The following NPLOC4 variants were observed in gnomAD, a reference collection of about 807,000 sequenced individuals.
The protein encoded by NPLOC4 is nuclear protein localization protein 4 homolog.
A neutral mutation model predicts 80.6 loss-of-function variants in NPLOC4; 18 were observed. The ratio of observed to expected loss-of-function variants is 0.22; its 90% CI spans 0.15 to 0.33. The LOEUF is 0.33. NPLOC4 is among the 10% of genes least tolerant of loss of function. The pLI is 1.00. For synonymous variants in NPLOC4, 313 were observed against 301.5 expected (o/e 1.04, Z -0.39); for missense variants, 540 against 786.1 (o/e 0.69, Z 3.74).
rs919880771 is a variant in NPLOC4 at position 81,557,038 on chromosome 17, G to A, written c.*2221C>T. The A allele has an allele frequency of 1.3e-5, 2 of 152,412 alleles. No homozygotes were observed. The highest frequency in any genetic ancestry group is 2.9e-5 in the Non-Finnish European group (2 of 68,144). The allele number at this position is 152,412 out of a possible 1,614,324, so 9.4% of individuals were successfully genotyped here. ...AGCTGGTTGGAGGGAGCCAGGGCCA[G>A]GCCCCACCTCCTCTCGGGACCAGGA... On this transcript the variant is annotated 3_prime_UTR_variant, in exon 17 of 17. Transcript: ENST00000331134.
intron 11 of NPLOC4, among the ~76,000 whole-genome samples, chr17:81,590,799 T>C (rs1244981413): frequency 6.6e-6 from 1 of 151,834 alleles, no homozygotes; most frequent in Admixed American, 6.6e-5. Context: ...GGCCACACAA[T>C]CAAAAAAGGT....
At chr17:81,632,224 C>G (rs1285120364) in intron 1 of NPLOC4, among the ~76,000 whole-genome samples, 1 of 152,176 alleles carries the variant, frequency 6.6e-6, no homozygotes, top group Non-Finnish European at 1.5e-5. Context: ...ATCCACCTGC[C>G]TCAGCCTCCT....
intron 1 of NPLOC4, 120 bp downstream of exon 1, chr17:81,636,796 C>T: frequency 9.1e-7 from 1 of 1,098,192 alleles, no homozygotes; most frequent in Non-Finnish European, 1.2e-6. Flanking sequence ...AAAGCCCTGG[C>T]GAGAGAAGAG....
chr17:81,571,599 C>T (rs758481390), intron 13 of NPLOC4, among the ~76,000 whole-genome samples: 4 of 152,214 alleles, frequency 2.6e-5, no homozygotes, highest in Admixed American at 1.3e-4. Context: ...AGCACCTGCA[C>T]GTGCAGGACA....
At chr17:81,588,240 C>G (rs2034641686) in intron 12 of NPLOC4, 1 of 152,166 alleles carries the variant, frequency 6.6e-6, no homozygotes, top group Admixed American at 6.5e-5. Context: ...TTCAGGCAGC[C>G]AAATACATGT....
intron 15 of NPLOC4, among the ~76,000 whole-genome samples, chr17:81,566,092 C>T (rs559348313): frequency 1.0e-3 from 157 of 152,176 alleles, no homozygotes; most frequent in Non-Finnish European, 1.8e-3. Flanking sequence ...CCAACACTTT[C>T]AGAGGCAGAG....
At chr17:81,584,203 C>T (rs767853206) in intron 12 of NPLOC4, among the ~76,000 whole-genome samples, 6 of 152,170 alleles carry the variant, frequency 3.9e-5, no homozygotes, top group Non-Finnish European at 5.9e-5. Flanking sequence ...TTTTACAGTT[C>T]TCTTTGCTCC....
chr17:81,565,296 G>A (rs1024100655), intron 16 of NPLOC4: 5 of 702,458 alleles, frequency 7.1e-6, no homozygotes, highest in South Asian at 4.4e-5. Context: ...TAAGACGTAC[G>A]GCCTGGACAA....
intron 6 of NPLOC4, 53 bp downstream of exon 6, chr17:81,608,675 C>T (rs1228389804): frequency 1.5e-6 from 2 of 1,350,884 alleles, no homozygotes; most frequent in Admixed American, 3.9e-5. Context: ...GCAACAACTG[C>T]CAGCTACACA....
chr17:81,598,505 C>A (rs1036608174), intron 9 of NPLOC4, among the ~76,000 whole-genome samples: 2 of 152,192 alleles, frequency 1.3e-5, no homozygotes, highest in African/African-American at 2.4e-5. Flanking sequence ...TAGAGAAAGG[C>A]ACATAATACA....
At chr17:81,613,810 C>T (rs1198936652) in intron 3 of NPLOC4, among the ~76,000 whole-genome samples, 1 of 152,082 alleles carries the variant, frequency 6.6e-6, no homozygotes, top group Non-Finnish European at 1.5e-5. Context: ...GGCCTCTCCT[C>T]CCGCCTCTCA....
chr17:81,625,155 G>C (rs2035765047), intron 2 of NPLOC4, among the ~76,000 whole-genome samples: 1 of 152,162 alleles, frequency 6.6e-6, no homozygotes, highest in Admixed American at 6.6e-5. Context: ...ACCAGGGGCA[G>C]GAATGGAATG....
chr17:81,626,148 C>CAAA (rs1159898008), intron 2 of NPLOC4, among the ~76,000 whole-genome samples: 1 of 88,470 alleles, frequency 1.1e-5, no homozygotes, highest in Admixed American at 1.3e-4. Context: ...GACTTCATCT[C>CAAA]AAAAAAAAAA....
At chr17:81,613,891 T>C (rs955821921) in intron 3 of NPLOC4, among the ~76,000 whole-genome samples, 1 of 151,960 alleles carries the variant, frequency 6.6e-6, no homozygotes, top group Non-Finnish European at 1.5e-5. Flanking sequence ...CCCCCAACAC[T>C]GCATGTGCTG....
chr17:81,592,626 A>T (rs1050780421), intron 11 of NPLOC4, among the ~76,000 whole-genome samples: 6 of 152,232 alleles, frequency 3.9e-5, no homozygotes, highest in African/African-American at 1.4e-4. Context: ...GTAGCCCCCA[A>T]GTTAGAAACT....
intron 14 of NPLOC4, among the ~76,000 whole-genome samples, chr17:81,568,547 C>G (rs114477265): frequency 2.1e-4 from 32 of 152,352 alleles, no homozygotes; most frequent in African/African-American, 7.5e-4. Context: ...GGCGTGACAG[C>G]AAATCGGACC....
intron 12 of NPLOC4, among the ~76,000 whole-genome samples, chr17:81,581,984 C>T (rs753833374): frequency 2.0e-5 from 3 of 152,216 alleles, no homozygotes; most frequent in Non-Finnish European, 2.9e-5. Flanking sequence ...CAGAGACATG[C>T]TTCCATGGTG....
At chr17:81,612,606 G>A (rs2035368863) in intron 4 of NPLOC4, 1 of 152,212 alleles carries the variant, frequency 6.6e-6, no homozygotes, top group Non-Finnish European at 1.5e-5. Context: ...CATCTACAGA[G>A]TGATGCATTT....
intron 2 of NPLOC4, among the ~76,000 whole-genome samples, chr17:81,629,192 CTT>C (rs141999520): frequency 1.1e-4 from 13 of 115,742 alleles, no homozygotes; most frequent in African/African-American, 6.9e-5. Flanking sequence ...TTATGAAATA[CTT>C]TTTTTTTTTT....
Sources: allele counts gnomAD v4.1 joint callset (sites outside exome capture counted in the v4.1 genomes callset), GRCh38; gene constraint gnomAD v4.1.1; transcripts MANE v1.5; gene names NCBI Gene and HGNC (gene_info 2026-07-23, HGNC 2026-07-21).